Variants in UBE2H observed in about 807,000 individuals in gnomAD.
UBE2H encodes the protein ubiquitin-conjugating enzyme E2 H.
UBE2H carries 3 observed loss-of-function variants against 29.0 expected under a neutral mutation model. That is an observed-to-expected ratio of 0.10 (90% CI 0.05 to 0.27). The LOEUF is 0.27. Among genes scored for constraint, UBE2H ranks in the 10% least tolerant of loss-of-function variants. UBE2H has a pLI of 1.00. For missense variants in UBE2H, 68 were observed against 228.2 expected (o/e 0.30, Z 4.52); for synonymous variants, 69 against 82.9 (o/e 0.83, Z 0.91).
chr7:129,921,694 C>CACAAAAAAAAAAAAAAAAA (rs1325226224), intron 1 of UBE2H, among the ~76,000 whole-genome samples: 1 of 68,510 alleles, frequency 1.5e-5, no homozygotes, highest in Non-Finnish European at 3.0e-5. Flanking sequence ...GACTCTGTCA[C>CACAAAAAAAAAAAAAAAAA]AAAAAAAAAA....
At chr7:129,912,933 G>A (rs1806967645) in intron 1 of UBE2H, among the ~76,000 whole-genome samples, 1 of 152,052 alleles carries the variant, frequency 6.6e-6, no homozygotes, top group Non-Finnish European at 1.5e-5. Flanking sequence ...TCCAATAAAA[G>A]TCAAGGTTTC....
intron 1 of UBE2H, among the ~76,000 whole-genome samples, chr7:129,911,423 T>C (rs1165988379): frequency 2.0e-5 from 3 of 151,404 alleles, no homozygotes; most frequent in Non-Finnish European, 2.9e-5. Flanking sequence ...GGGAGGTTGT[T>C]AAGACACACA....
chr7:129,917,447 T>A (rs1014186132), intron 1 of UBE2H, among the ~76,000 whole-genome samples: 1 of 152,078 alleles, frequency 6.6e-6, no homozygotes, highest in Middle Eastern at 3.2e-3. Flanking sequence ...TGTGTGCAGA[T>A]GTGTGTGTGC....
At chr7:129,915,875 TTTCA>T (rs1199919069) in intron 1 of UBE2H, among the ~76,000 whole-genome samples, 1 of 152,230 alleles carries the variant, frequency 6.6e-6, no homozygotes, top group African/African-American at 2.4e-5. Flanking sequence ...CAGATCGTTC[TTTCA>T]ATCATCAGTT....
At chr7:129,853,670 T>TA (rs1805648607) in intron 5 of UBE2H, among the ~76,000 whole-genome samples, 1 of 152,156 alleles carries the variant, frequency 6.6e-6, no homozygotes, top group Admixed American at 6.5e-5. Context: ...AAATTGCACA[T>TA]ACACTTGGCA....
intron 1 of UBE2H, among the ~76,000 whole-genome samples, chr7:129,942,212 C>CAAAAA (rs966117564): frequency 5.4e-5 from 2 of 36,746 alleles, no homozygotes; most frequent in African/African-American, 1.2e-4. Flanking sequence ...GACTCGGTCT[C>CAAAAA]AAAAAAAAAA....
chr7:129,906,985 C>T lies in UBE2H; in HGVS notation c.54-26014G>A, dbSNP rs541358034. ...TGAGAGACATTACTACACATCTATG[C>T]TCTGGGACAGACCAAACCTTCAGTC... On this transcript the variant is annotated intron_variant, in intron 1 of 6. Coordinates refer to ENST00000355621, the MANE Select transcript of UBE2H (RefSeq NM_003344.4). 4.6e-5 allele frequency among the ~76,000 whole-genome samples: 7 copies of T among 152,328 alleles called. No individual in the cohort carries two copies. In the South Asian group the frequency reaches 1.2e-3, roughly 27 times the overall value.
At chr7:129,949,129 G>C (rs1382444402) in intron 1 of UBE2H, 1 of 426,428 alleles carries the variant, frequency 2.3e-6, no homozygotes, top group East Asian at 7.3e-5. Context: ...AGGATCACCA[G>C]GGCTGTGCAA....
At chr7:129,845,986 T>C (rs1016774443) in intron 5 of UBE2H, among the ~76,000 whole-genome samples, 11 of 152,218 alleles carry the variant, frequency 7.2e-5, no homozygotes, top group African/African-American at 2.7e-4. Flanking sequence ...TTCAGCTACC[T>C]GTATCCCTTA....
At chr7:129,835,417 T>A (rs191145687) in intron 6 of UBE2H, among the ~76,000 whole-genome samples, 8 of 152,296 alleles carry the variant, frequency 5.3e-5, no homozygotes, top group Admixed American at 3.3e-4. Flanking sequence ...ATAGGACCAG[T>A]CATGATTCCA....
chr7:129,900,216 T>C (rs895549276), intron 1 of UBE2H, among the ~76,000 whole-genome samples: 4 of 152,208 alleles, frequency 2.6e-5, no homozygotes, highest in Admixed American at 6.5e-5. Flanking sequence ...GTGGACCTGA[T>C]ACGTCAAATA....
chr7:129,888,592 G>T (rs1384297894), intron 1 of UBE2H, among the ~76,000 whole-genome samples: 2 of 151,854 alleles, frequency 1.3e-5, no homozygotes, highest in Non-Finnish European at 2.9e-5. Context: ...CTCCTGCCTC[G>T]GCCTCCCGAG....
rs1036462342 is a variant in UBE2H at position 129,833,048 on chromosome 7, A to G, written c.*1889T>C. 6.6e-6 allele frequency: 1 copy of G among 152,396 alleles called. No homozygotes were observed. The highest frequency in any genetic ancestry group is 2.4e-5 in the African/African-American group (1 of 41,404). 9.4% of individuals were successfully genotyped at this position (152,396 alleles called of 1,614,324 possible). ...CCTTCCAGCAAGCCACAGATGCTAG[A>G]TGGATAACTCAGTACGGTTAACTAA... On this transcript the variant is annotated 3_prime_UTR_variant, in exon 7 of 7. Coordinates refer to ENST00000355621, the MANE Select transcript of UBE2H (RefSeq NM_003344.4).
intron 1 of UBE2H, among the ~76,000 whole-genome samples, chr7:129,942,863 AT>A (rs747259760): frequency 5.2e-4 from 79 of 151,446 alleles, no homozygotes; most frequent in Non-Finnish European, 8.8e-4. Flanking sequence ...GTTTTTTGAG[AT>A]GGAGTCTTGC....
At chr7:129,884,706 T>C (rs1016239485) in intron 1 of UBE2H, among the ~76,000 whole-genome samples, 8 of 151,712 alleles carry the variant, frequency 5.3e-5, no homozygotes, top group African/African-American at 1.9e-4. Flanking sequence ...CCACCTCTAC[T>C]TCCCCCTAGC....
At chr7:129,902,265 G>A (rs557622979) in intron 1 of UBE2H, among the ~76,000 whole-genome samples, 44 of 152,290 alleles carry the variant, frequency 2.9e-4, no homozygotes, top group Admixed American at 7.2e-4. Context: ...TTGGGAGGCC[G>A]AGGCGGATGG....
At chr7:129,854,612 T>A (rs191396810) in intron 5 of UBE2H, among the ~76,000 whole-genome samples, 2 of 152,354 alleles carry the variant, frequency 1.3e-5, no homozygotes, top group East Asian at 3.9e-4. Flanking sequence ...CACTAACATT[T>A]TATAAATGTG....
At chr7:129,869,189 C>T (rs908041817) in intron 3 of UBE2H, among the ~76,000 whole-genome samples, 5 of 151,988 alleles carry the variant, frequency 3.3e-5, no homozygotes, top group African/African-American at 1.2e-4. Flanking sequence ...CCGCCTGCCT[C>T]GGCCTCCCAA....
chr7:129,875,753 A>C (rs974602228), intron 3 of UBE2H, among the ~76,000 whole-genome samples: 13 of 152,064 alleles, frequency 8.5e-5, no homozygotes, highest in Admixed American at 7.9e-4. Context: ...TTTCACCCAC[A>C]CTGTAACTGC....
Sources: gnomAD v4.1 joint callset for allele counts (sites outside exome capture counted in the v4.1 genomes callset) on GRCh38, gnomAD v4.1.1 for gene constraint, MANE v1.5 for transcripts, NCBI Gene and HGNC (gene_info 2026-07-23, HGNC 2026-07-21) for gene names.